SLIT2: variants seen among roughly 807,000 people sequenced by gnomAD.
The protein encoded by SLIT2 is slit homolog 2 protein.
A neutral mutation model predicts 185.7 loss-of-function variants in SLIT2; 41 were observed. The observed-to-expected ratio is 0.22, with a 90% CI of 0.17 to 0.29. The LOEUF (loss-of-function observed/expected upper bound fraction) is 0.29. Among genes scored for constraint, SLIT2 ranks in the 10% least tolerant of loss-of-function variants. The pLI, the probability that SLIT2 is intolerant of heterozygous loss-of-function variation, is 1.00. For missense variants in SLIT2, 1,571 were observed against 1,909.0 expected (o/e 0.82, Z 3.30); for synonymous variants, 693 against 680.2 (o/e 1.02, Z -0.29).
intron 33 of SLIT2, among the ~76,000 whole-genome samples, chr4:20,608,108 C>T (rs528786582): frequency 6.6e-6 from 1 of 151,940 alleles, no homozygotes; most frequent in East Asian, 1.9e-4. Flanking sequence ...GGGTGGGGGA[C>T]CGATATGATA....
At chr4:20,443,864 G>A (rs902042531) in intron 4 of SLIT2, among the ~76,000 whole-genome samples, 13 of 152,142 alleles carry the variant, frequency 8.5e-5, no homozygotes, top group African/African-American at 2.7e-4. Flanking sequence ...TCAGCATGGC[G>A]TAAGAACCAG....
intron 28 of SLIT2, 89 bp from the exon 29 acceptor site, chr4:20,568,776 G>A: frequency 8.5e-7 from 1 of 1,173,430 alleles, no homozygotes; most frequent in African/African-American, 1.5e-5. Flanking sequence ...TGGTTGATGA[G>A]TGTAATTATG....
intron 4 of SLIT2, among the ~76,000 whole-genome samples, chr4:20,350,654 A>T (rs1721797631): frequency 6.6e-6 from 1 of 152,134 alleles, no homozygotes; most frequent in South Asian, 2.1e-4. Flanking sequence ...AGCTAGTAAC[A>T]ATTGTTCAGT....
chr4:20,619,764 A>G lies in SLIT2; in HGVS notation c.*755A>G, dbSNP rs533529727. ...TTCTAAACAGCCCTATACAGTATTC[A>G]GTTTCCATGAGAAATATTTATTGTA... On this transcript the variant is annotated 3_prime_UTR_variant, in exon 37 of 37. Coordinates refer to ENST00000504154, the MANE Select transcript of SLIT2 (RefSeq NM_004787.4). 1 of 152,198 alleles carries G rather than the reference A, an allele frequency of 6.6e-6. No homozygotes were observed. Among genetic ancestry groups the G allele is most frequent in the African/African-American group, 2.4e-5 (1 of 41,518 alleles). The allele number at this position is 152,198 out of a possible 1,614,324, so 9.4% of individuals were successfully genotyped here.
intron 29 of SLIT2, among the ~76,000 whole-genome samples, chr4:20,579,148 A>AT (rs1399830889): frequency 6.6e-6 from 1 of 151,984 alleles, no homozygotes; most frequent in Non-Finnish European, 1.5e-5. Flanking sequence ...ACAAAAAAAA[A>AT]AATCAGCTGG....
intron 4 of SLIT2, among the ~76,000 whole-genome samples, chr4:20,310,030 G>A (rs1717948155): frequency 2.0e-5 from 3 of 151,988 alleles, no homozygotes; most frequent in Admixed American, 2.0e-4. Flanking sequence ...CCAAGTGCTG[G>A]GATTACAGGC....
At chr4:20,612,958 A>G (rs1212727005) in intron 34 of SLIT2, among the ~76,000 whole-genome samples, 1 of 151,286 alleles carries the variant, frequency 6.6e-6, no homozygotes, top group Admixed American at 6.6e-5. Context: ...GTGAGATACC[A>G]TCTCACACCA....
intron 4 of SLIT2, among the ~76,000 whole-genome samples, chr4:20,405,851 A>G (rs1193373533): frequency 6.6e-6 from 1 of 152,022 alleles, no homozygotes; most frequent in Non-Finnish European, 1.5e-5. Flanking sequence ...TCGAATACAT[A>G]TATTCATATG....
chr4:20,284,982 CT>C (rs931583640), intron 4 of SLIT2, among the ~76,000 whole-genome samples: 1 of 152,152 alleles, frequency 6.6e-6, no homozygotes, highest in Non-Finnish European at 1.5e-5. Flanking sequence ...CTTTGCCATT[CT>C]AGGGCATGTA....
chr4:20,344,515 G>C (rs1389648939), intron 4 of SLIT2, among the ~76,000 whole-genome samples: 1 of 152,152 alleles, frequency 6.6e-6, no homozygotes, highest in Non-Finnish European at 1.5e-5. Flanking sequence ...GGCATATAAG[G>C]CTTTAAATGA....
intron 22 of SLIT2, among the ~76,000 whole-genome samples, chr4:20,547,592 G>A (rs1216966723): frequency 2.0e-5 from 3 of 151,472 alleles, no homozygotes; most frequent in East Asian, 3.9e-4. Context: ...GATTATCCTC[G>A]GTTTTTCTGA....
rs1560452512 is a variant in SLIT2, at chr4:20,472,259, T to TATATATCG, written c.467+4442_467+4443insCGATATAT. 6.0e-4 allele frequency among the ~76,000 whole-genome samples: 27 copies of TATATATCG among 45,018 alleles called. 1 individual carries two copies. The highest frequency in any genetic ancestry group is 2.0e-3 in the African/African-American group (18 of 8,914). The allele number at this position is 45,018 out of a possible 152,430, so 29.5% of individuals were successfully genotyped here. A position where few individuals can be genotyped will look rare whatever the true frequency, so the allele number is the denominator to read the frequency against. On this transcript the variant is annotated intron_variant, in intron 5 of 36. Coordinates refer to ENST00000504154, the MANE Select transcript of SLIT2 (RefSeq NM_004787.4). ...AGATCTATATATCTATATATAGATCTATATATAGATATATATCTATATATA... is the reference window on the plus strand; with the variant it reads ...AGATCTATATATCTATATATAGATCTATATATCGATATATAGATATATATCTATATATA...
intron 3 of SLIT2, among the ~76,000 whole-genome samples, chr4:20,265,884 T>C (rs1172461876): frequency 6.6e-6 from 1 of 151,904 alleles, no homozygotes; most frequent in Non-Finnish European, 1.5e-5. Context: ...TTAGGAATGT[T>C]TAGACTATAT....
At chr4:20,372,033 C>G (rs1723623392) in intron 4 of SLIT2, among the ~76,000 whole-genome samples, 1 of 152,108 alleles carries the variant, frequency 6.6e-6, no homozygotes, top group Non-Finnish European at 1.5e-5. Flanking sequence ...TTTCATCATT[C>G]TGTTGCTTCA....
chr4:20,551,366 T>C (rs1560188325), intron 25 of SLIT2, among the ~76,000 whole-genome samples: 2 of 152,216 alleles, frequency 1.3e-5, no homozygotes, highest in Non-Finnish European at 2.9e-5. Context: ...GGTTCGAGAC[T>C]ATAGTTTGGA....
At chr4:20,276,347 G>A (rs1714164365) in intron 4 of SLIT2, among the ~76,000 whole-genome samples, 2 of 151,908 alleles carry the variant, frequency 1.3e-5, no homozygotes, top group Non-Finnish European at 2.9e-5. Flanking sequence ...TTTTCTGGAG[G>A]GTTAACCTTA....
intron 6 of SLIT2, among the ~76,000 whole-genome samples, chr4:20,483,538 T>C (rs1716913955): frequency 6.6e-6 from 1 of 152,054 alleles, no homozygotes; most frequent in Non-Finnish European, 1.5e-5. Flanking sequence ...ATTGCTGCTT[T>C]TACATGTTTA....
chr4:20,403,794 T>G (rs1726538873), intron 4 of SLIT2, among the ~76,000 whole-genome samples: 1 of 151,816 alleles, frequency 6.6e-6, no homozygotes, highest in Non-Finnish European at 1.5e-5. Context: ...GTGCAGATCT[T>G]ACATAAAATT....
At chr4:20,533,477 A>T in intron 17 of SLIT2, 95 bp from the exon 18 acceptor site, 1 of 934,434 alleles carries the variant, frequency 1.1e-6, no homozygotes, top group Non-Finnish European at 1.6e-6. Context: ...AAAAGTTGGA[A>T]AACTTGGATC....
Sources: allele counts gnomAD v4.1 joint callset (sites outside exome capture counted in the v4.1 genomes callset), GRCh38; gene constraint gnomAD v4.1.1; transcripts MANE v1.5; gene names NCBI Gene and HGNC (gene_info 2026-07-23, HGNC 2026-07-21).